Variants in TIE1 observed in about 807,000 individuals in gnomAD.
The protein encoded by TIE1 is tyrosine kinase with immunoglobulin like and EGF like domains 1, also known as tyrosine-protein kinase receptor Tie-1.
A neutral mutation model predicts 130.5 loss-of-function variants in TIE1; 89 were observed. The ratio of observed to expected loss-of-function variants is 0.68; its 90% CI spans 0.57 to 0.81. The LOEUF is 0.81. Among genes scored for constraint, TIE1 ranks in the 40% least tolerant of loss-of-function variants. The probability of loss-of-function intolerance (pLI) is 0.00; values close to 1 mark genes in which losing one functional copy is unlikely to be tolerated. For synonymous variants in TIE1, 568 were observed against 629.4 expected (o/e 0.90, Z 1.46); for missense variants, 1,392 against 1,559.8 (o/e 0.89, Z 1.81).
rs1456375805 is a variant in TIE1 at position 43,317,471 on chromosome 1, C to T, written c.2620+62C>T. On this transcript the variant is annotated intron_variant, in intron 15 of 22. Transcript: ENST00000372476. This position sits in a 1 kb window ranked among gnomAD's most constrained non-coding sequence, Gnocchi z 5.1. ...CTCCTTTGTCCCACAAATCCCAGGCCCCACCTGGCTTCCTCCAGCAATTGA... is the reference window on the plus strand; with the variant it reads ...CTCCTTTGTCCCACAAATCCCAGGCTCCACCTGGCTTCCTCCAGCAATTGA... 9.3e-6 allele frequency: 15 copies of T among 1,608,398 alleles called. No homozygotes were observed. Among genetic ancestry groups the T allele is most frequent in the Non-Finnish European group, 1.3e-5 (15 of 1,174,936 alleles).
rs1286898876 is a variant in TIE1 at position 43,315,462 on chromosome 1, C to A, written c.2409+1494C>A. Among the ~76,000 whole-genome samples the A allele has an allele frequency of 2.6e-5, 4 of 152,076 alleles. No homozygotes were observed. Among genetic ancestry groups the A allele is most frequent in the Non-Finnish European group, 5.9e-5 (4 of 68,022 alleles). On this transcript the variant is annotated intron_variant, in intron 14 of 22. Coordinates refer to ENST00000372476, the MANE Select transcript of TIE1 (RefSeq NM_005424.5). The surrounding 1 kb of genome is among the most constrained non-coding windows in gnomAD (Gnocchi z 4.4). ...ATGAGGTCAGGAGTTCAAGACCAGC[C>A]TGCCCAGTTGGTGAAACCCCATCTC...
chr1:43,318,950 A>G lies in TIE1; in HGVS notation c.2923-285A>G, dbSNP rs1646887253. On this transcript the variant is annotated intron_variant, in intron 17 of 22. Coordinates refer to ENST00000372476, the MANE Select transcript of TIE1 (RefSeq NM_005424.5). The surrounding 1 kb of genome is among the most constrained non-coding windows in gnomAD (Gnocchi z 4.4). ...AGAAACTGGAACCCAGGGGATGGGA[A>G]GAGGGAGGGGGAGAAGCATGGAAAG... is the stretch of plus-strand genomic sequence containing the variant. Among the ~76,000 whole-genome samples, 1 of 152,056 alleles carries G rather than the reference A, an allele frequency of 6.6e-6. No individual in the cohort carries two copies. The highest frequency in any genetic ancestry group is 6.5e-5 in the Admixed American group (1 of 15,276).
chr1:43,322,870 G>T lies in TIE1; in HGVS notation c.*148G>T, dbSNP rs1166605259. The T allele has an allele frequency of 4.4e-6, 3 of 684,000 alleles. No homozygotes were observed. In the East Asian group the frequency reaches 8.4e-5, roughly 19 times the overall value. The allele number at this position is 684,000 out of a possible 1,614,324, so 42.4% of individuals were successfully genotyped here. A position where few individuals can be genotyped will look rare whatever the true frequency, so the allele number is the denominator to read the frequency against. ...GAGAAAAAAAGGGATCTGGGGATGG[G>T]GTGGGCTTAGGGGAACTGGGTTCCC... On this transcript the variant is annotated 3_prime_UTR_variant, in exon 23 of 23. Coordinates refer to ENST00000372476, the MANE Select transcript of TIE1 (RefSeq NM_005424.5). This position sits in a 1 kb window ranked among gnomAD's most constrained non-coding sequence, Gnocchi z 4.0.
Position 43,321,404 on chromosome 1 carries a change from C to G in TIE1, c.3157C>G (p.Pro1053Ala). 1 of 1,614,002 alleles carries G rather than the reference C, an allele frequency of 6.2e-7. No homozygotes were observed. Among genetic ancestry groups the G allele is most frequent in the Non-Finnish European group, 8.5e-7 (1 of 1,179,962 alleles). Residue 1053 changes from proline (P) to alanine (A), a missense_variant, in exon 21 of 23, where the codon CCC becomes GCC. Physicochemically the swap from Pro to Ala is conservative, Grantham distance 27. Transcript: ENST00000372476. ...TTTGTCCCCTCCTGCAGGAGGTACA[C>G]CCTACTGTGGCATGACCTGTGCCGA... is the stretch of plus-strand genomic sequence containing the variant. ...LWEIVSLGGT[P>A]YCGMTCAELY...
chr1:43,319,777 C>T lies in TIE1; in HGVS notation c.3107+248C>T, dbSNP rs1029658162. The T allele has an allele frequency of 5.1e-5, 27 of 525,410 alleles. No individual in the cohort carries two copies. The highest frequency in any genetic ancestry group is 3.2e-4 in the Admixed American group (10 of 31,144). The allele number at this position is 525,410 out of a possible 1,614,324, so 32.5% of individuals were successfully genotyped here. ...TTTCGGATTATGTTTGTGTAAGTGA[C>T]GGGGGATGCCTTGGAGAGGTTTGGG... On this transcript the variant is annotated intron_variant, in intron 19 of 22. Transcript: ENST00000372476. This position sits in a 1 kb window ranked among gnomAD's most constrained non-coding sequence, Gnocchi z 4.7.
rs759901661 is a variant in TIE1 at position 43,318,094 on chromosome 1, T to G, written c.2922+22T>G. 3.3e-6 allele frequency: 5 copies of G among 1,521,358 alleles called. No individual in the cohort carries two copies. The highest frequency in any genetic ancestry group is 2.6e-6 in the Non-Finnish European group (3 of 1,134,762). 94.2% of individuals were successfully genotyped at this position (1,521,358 alleles called of 1,614,324 possible). On this transcript the variant is annotated intron_variant, in intron 17 of 22. Transcript: ENST00000372476. The surrounding 1 kb of genome is among the most constrained non-coding windows in gnomAD (Gnocchi z 4.4). ...GCAGGTGTGTGTGAGTGGGGGCGGG[T>G]GGAGGCCAGAGGGGGAAGCCACTGG...
intron 19 of TIE1, chr1:43,320,959 A>G (rs1646911077): frequency 5.0e-6 from 2 of 401,050 alleles, no homozygotes; most frequent in South Asian, 7.4e-5. Context: ...TGGGAGGACC[A>G]CCTGATCCTG....
At chr1:43,308,622 G>A (rs1337969345) in intron 7 of TIE1, among the ~76,000 whole-genome samples, 2 of 152,204 alleles carry the variant, frequency 1.3e-5, no homozygotes, top group Non-Finnish European at 2.9e-5. Context: ...AGTCAGATCC[G>A]TGTTGGAGAA....
chr1:43,314,391 G>A, intron 14 of TIE1: 1 of 1,124,320 alleles, frequency 8.9e-7, no homozygotes, highest in Non-Finnish European at 1.1e-6. Context: ...AGGCCTTCCT[G>A]GGCTCGGGAG....
rs1423911676 is a variant in TIE1, at chr1:43,306,724, C to G, written c.485-116C>G. The stretch of plus-strand genomic sequence containing the variant: ...GGCATAGGCTCTCGTGGTGCCGGCC[C>G]TAGGTCTCATCACTGTGCATGGGGC... On this transcript the variant is annotated intron_variant, in intron 3 of 22. Transcript: ENST00000372476. The surrounding 1 kb of genome is among the most constrained non-coding windows in gnomAD (Gnocchi z 4.9). 1 of 1,358,720 alleles carries G rather than the reference C, an allele frequency of 7.4e-7. No homozygotes were observed. Among genetic ancestry groups the G allele is most frequent in the African/African-American group, 1.5e-5 (1 of 68,672 alleles). 84.2% of individuals were successfully genotyped at this position (1,358,720 alleles called of 1,614,324 possible).
chr1:43,310,450 T>C (rs1363761174), intron 9 of TIE1, among the ~76,000 whole-genome samples: 3 of 152,216 alleles, frequency 2.0e-5, no homozygotes, highest in Admixed American at 2.0e-4. Flanking sequence ...TTAAATTTGA[T>C]GATGTATTTA....
At position 43,316,396 on chromosome 1, in the gene TIE1, A is replaced by C. The variant is rs145150216; in HGVS notation, c.2410-803A>C. Among the ~76,000 whole-genome samples, 1 of 152,314 alleles carries C rather than the reference A, an allele frequency of 6.6e-6. No individual in the cohort carries two copies. The highest frequency in any genetic ancestry group is 1.5e-5 in the Non-Finnish European group (1 of 68,016). The stretch of plus-strand genomic sequence containing the variant: ...CAAGCTGGACTTCAGTGCACTTAGG[A>C]AGCCCCACCAGAAGGTCTGTCTTAA... On this transcript the variant is annotated intron_variant, in intron 14 of 22. Coordinates refer to ENST00000372476, the MANE Select transcript of TIE1 (RefSeq NM_005424.5). This position sits in a 1 kb window ranked among gnomAD's most constrained non-coding sequence, Gnocchi z 4.4.
Position 43,305,098 on chromosome 1 carries a change from C to A in TIE1, c.306C>A (p.Val102=). 6.8e-6 allele frequency: 11 copies of A among 1,613,242 alleles called. No homozygotes were observed. The highest frequency in any genetic ancestry group is 9.3e-6 in the Non-Finnish European group (11 of 1,179,554). Residue 102 remains valine (V), a synonymous_variant, in exon 2 of 23, where the codon GTC becomes GTA. Transcript: ENST00000372476. ...CCAAGCCCTCGGACCTCGTGGGCGT[C>A]TTCTCCTGCGTGGGCGGTGCTGGGG... ...GFSKPSDLVG[V]FSCVGGAGAR... is the part of the protein sequence containing the mutation.
In TIE1 at chr1:43,317,095, C is replaced by T; in HGVS notation, c.2410-104C>T. ...GGGTGCCCTCCATCTGGGTCTCTGC[C>T]CACTTGTCTGACACTGAAACCTCCT... On this transcript the variant is annotated intron_variant, in intron 14 of 22. Transcript: ENST00000372476. The surrounding 1 kb of genome is among the most constrained non-coding windows in gnomAD (Gnocchi z 5.1). The T allele has an allele frequency of 8.1e-7, 1 of 1,227,018 alleles. No individual in the cohort carries two copies. The highest frequency in any genetic ancestry group is 1.2e-6 in the Non-Finnish European group (1 of 840,012). The allele number at this position is 1,227,018 out of a possible 1,614,324, so 76.0% of individuals were successfully genotyped here. A position where few individuals can be genotyped will look rare whatever the true frequency, so the allele number is the denominator to read the frequency against.
In TIE1 at chr1:43,312,032, C is replaced by T; in HGVS notation, c.1531C>T (p.Pro511Ser). 6.2e-7 allele frequency: 1 copy of T among 1,605,422 alleles called. No homozygotes were observed. Among genetic ancestry groups the T allele is most frequent in the Non-Finnish European group, 8.5e-7 (1 of 1,174,248 alleles). The change falls in exon 11 of 23, where the codon CCA becomes TCA. Residue 511 changes from proline (P) to serine (S), a missense_variant. Pro to Ser is a moderately conservative substitution (Grantham distance 74). Transcript: ENST00000372476. This position sits in a 1 kb window ranked among gnomAD's most constrained non-coding sequence, Gnocchi z 5.6. ...GAACGTGACGTTAATGAACCTGAGG[C>T]CAAAGACAGGATACAGTGTTCGTGT... Reference protein sequence around the residue: ...SENVTLMNLRPKTGYSVRVQL... With the variant: ...SENVTLMNLRSKTGYSVRVQL...
chr1:43,305,708 C>T (rs949776453), intron 3 of TIE1, among the ~76,000 whole-genome samples: 3 of 152,192 alleles, frequency 2.0e-5, no homozygotes, highest in Non-Finnish European at 4.4e-5. Context: ...TAACATCATG[C>T]CCAACACAGG....
chr1:43,304,724 G>A (rs1646706222), intron 1 of TIE1, 127 bp from the exon 2 acceptor site: 1 of 994,530 alleles, frequency 1.0e-6, no homozygotes, highest in African/African-American at 1.7e-5. Flanking sequence ...GAAGGAAGAG[G>A]GGTGAAGGTT....
Position 43,313,289 on chromosome 1 carries a change from C to T in TIE1, c.2082C>T (p.Asp694=), listed in dbSNP as rs771452506. 9.9e-6 allele frequency: 16 copies of T among 1,613,996 alleles called. No individual in the cohort carries two copies. Among genetic ancestry groups the T allele is most frequent in the Middle Eastern group, 1.7e-4 (1 of 6,060 alleles). The change falls in exon 13 of 23, where the codon GAC becomes GAT. Residue 694 remains aspartate, a synonymous_variant. Coordinates refer to ENST00000372476, the MANE Select transcript of TIE1 (RefSeq NM_005424.5). This position sits in a 1 kb window ranked among gnomAD's most constrained non-coding sequence, Gnocchi z 6.2. ...AGGAGDPLWI[D]VDRPEETSTI... ...GTGCAGGAGACCCACTGTGGATAGACGTGGACAGGCCTGAGGAGACAAGCA... is the reference window on the plus strand; with the variant it reads ...GTGCAGGAGACCCACTGTGGATAGATGTGGACAGGCCTGAGGAGACAAGCA...
intron 1 of TIE1, among the ~76,000 whole-genome samples, chr1:43,303,313 T>C (rs1646688708): frequency 6.6e-6 from 1 of 151,962 alleles, no homozygotes; most frequent in South Asian, 2.1e-4. Context: ...AGGTGATGGT[T>C]AAAACTGGGG....
Sources: gnomAD v4.1 joint callset for allele counts (sites outside exome capture counted in the v4.1 genomes callset) on GRCh38, gnomAD v4.1.1 for gene constraint, Gnocchi (gnomAD v3.1) non-coding constraint, MANE v1.5 for transcripts, NCBI Gene and HGNC (gene_info 2026-07-23, HGNC 2026-07-21) for gene names.